Variants in CEP68 observed in about 807,000 individuals in gnomAD.
CEP68 encodes centrosomal protein 68.
In CEP68, 26 loss-of-function variants were observed where a neutral mutation model predicts 55.3. The observed-to-expected ratio is 0.47, with a 90% CI of 0.34 to 0.65. The LOEUF is 0.65. Ranked by LOEUF, CEP68 falls within the 30% of genes least tolerant of loss-of-function variation. CEP68 has a pLI of 0.01. For missense variants in CEP68, 957 were observed against 946.7 expected, an observed-to-expected ratio of 1.01 and a Z score of -0.14; for synonymous variants, 402 against 383.2, an observed-to-expected ratio of 1.05 and a Z score of -0.57.
At chr2:65,062,851 T>C (rs1385755346) in intron 1 of CEP68, among the ~76,000 whole-genome samples, 1 of 151,622 alleles carries the variant, frequency 6.6e-6, no homozygotes, top group Non-Finnish European at 1.5e-5. Context: ...AAAAAAATAG[T>C]CCTAGGGGAG....
chr2:65,065,688 G>T (rs1676128814), intron 1 of CEP68, among the ~76,000 whole-genome samples: 1 of 152,196 alleles, frequency 6.6e-6, no homozygotes, highest in Non-Finnish European at 1.5e-5. Flanking sequence ...AGTAAGATGA[G>T]CCAGGCGTGG....
chr2:65,071,611 G>A lies in CEP68; in HGVS notation c.515G>A (p.Ser172Asn), dbSNP rs776755313. 2.0e-5 allele frequency: 32 copies of A among 1,614,050 alleles called. No individual in the cohort carries two copies. The highest frequency in any genetic ancestry group is 2.5e-5 in the Non-Finnish European group (30 of 1,180,034). The stretch of plus-strand genomic sequence containing the variant: ...CTGGACCTCAGCCAGCAGCCTCACA[G>A]CTCAGGTCTCTCTTGCCTGTCACAG... The part of the protein sequence containing the change: ...QALDLSQQPH[S>N]SGLSCLSQWK... Residue 172 changes from serine (S) to asparagine (N), a missense_variant, in exon 3 of 7, where the codon AGC becomes AAC. Physicochemically the swap from Ser to Asn is conservative, Grantham distance 46 (BLOSUM62 1). Coordinates refer to ENST00000377990, the MANE Select transcript of CEP68 (RefSeq NM_015147.3).
At chr2:65,073,118 T>C (rs752224588) in intron 3 of CEP68, 138 bp downstream of exon 3, 11 of 946,490 alleles carry the variant, frequency 1.2e-5, no homozygotes, top group Admixed American at 2.0e-5. Context: ...CCTTATCTTA[T>C]TCAGTCCTCA....
intron 1 of CEP68, among the ~76,000 whole-genome samples, chr2:65,068,774 G>A (rs1333602225): frequency 4.6e-5 from 7 of 152,176 alleles, no homozygotes; most frequent in Non-Finnish European, 8.8e-5. Flanking sequence ...GCTGCAGTGA[G>A]CTGAGATCAT....
Position 65,084,444 on chromosome 2 carries a change from C to T in CEP68, c.*810C>T, listed in dbSNP as rs1193840221. ...AACGGATAGGATGACACAGTAAGTA[C>T]AGAAACTGAAGCTGTCAATAGTGAA... On this transcript the variant is annotated 3_prime_UTR_variant, in exon 7 of 7. Transcript: ENST00000377990. 6.6e-6 allele frequency: 1 copy of T among 151,210 alleles called. No homozygotes were observed. Among genetic ancestry groups the T allele is most frequent in the Non-Finnish European group, 1.5e-5 (1 of 67,958 alleles). 9.4% of individuals were successfully genotyped at this position (151,210 alleles called of 1,614,324 possible). A position where few individuals can be genotyped will look rare whatever the true frequency, so the allele number is the denominator to read the frequency against.
chr2:65,086,916 C>T lies in CEP68; in HGVS notation c.*3282C>T, dbSNP rs557598369. The T allele has an allele frequency of 8.5e-5, 13 of 152,592 alleles. No individual in the cohort carries two copies. The highest frequency in any genetic ancestry group is 5.9e-5 in the Non-Finnish European group (4 of 67,996). The allele number at this position is 152,592 out of a possible 1,614,324, so 9.5% of individuals were successfully genotyped here. A position where few individuals can be genotyped will look rare whatever the true frequency, so the allele number is the denominator to read the frequency against. On this transcript the variant is annotated 3_prime_UTR_variant, in exon 7 of 7. Transcript: ENST00000377990. ...TAGATGGAAAATTGAATATTCTGTC[C>T]ATTTCATTTTACAATTATCTTACCA...
At chr2:65,073,122 G>C in intron 3 of CEP68, 142 bp downstream of exon 3, 1 of 927,736 alleles carries the variant, frequency 1.1e-6, no homozygotes, top group Non-Finnish European at 1.7e-6. Flanking sequence ...ATCTTATTCA[G>C]TCCTCACAAC....
rs1444881300 is a variant in CEP68, at chr2:65,084,346, A to C, written c.*712A>C. ...CTATGGAGCTAATTATCAAGCTTAA[A>C]GGGTAACTTTGGGAGGACTCCTCCC... On this transcript the variant is annotated 3_prime_UTR_variant, in exon 7 of 7. Transcript: ENST00000377990. The C allele has an allele frequency of 6.6e-6, 1 of 152,168 alleles. No homozygotes were observed. Among genetic ancestry groups the C allele is most frequent in the African/African-American group, 2.4e-5 (1 of 41,442 alleles). The allele number at this position is 152,168 out of a possible 1,614,324, so 9.4% of individuals were successfully genotyped here. A position where few individuals can be genotyped will look rare whatever the true frequency, so the allele number is the denominator to read the frequency against.
At chr2:65,057,824 A>AT (rs111542979) in intron 1 of CEP68, among the ~76,000 whole-genome samples, 13 of 149,824 alleles carry the variant, frequency 8.7e-5, no homozygotes, top group South Asian at 2.1e-4. Context: ...ACTCTGATTA[A>AT]TTTTTTTTTT....
chr2:65,075,152 C>G (rs545316669), intron 4 of CEP68: 35 of 152,216 alleles, frequency 2.3e-4, no homozygotes, highest in African/African-American at 7.7e-4. Context: ...CACCTTGGCT[C>G]ACACTATTAA....
Position 65,071,796 on chromosome 2 carries a change from C to A in CEP68, c.700C>A (p.Gln234Lys). 6.2e-7 allele frequency: 1 copy of A among 1,609,458 alleles called. No homozygotes were observed. Among genetic ancestry groups the A allele is most frequent in the Non-Finnish European group, 8.5e-7 (1 of 1,176,932 alleles). The change falls in exon 3 of 7, where the codon CAG (glutamine) becomes AAG (lysine). Residue 234 changes from glutamine (Q) to lysine (K), a missense_variant. By Grantham distance (53) the Gln-to-Lys change is moderately conservative. Transcript: ENST00000377990. ...VSSSLEPVVP[Q>K]EPSSVVGLGP... ...CTCCTCCCTGGAGCCGGTCGTCCCCCAGGAACCTTCCTCTGTGGTGGGGCT... is the reference window on the plus strand; with the variant it reads ...CTCCTCCCTGGAGCCGGTCGTCCCCAAGGAACCTTCCTCTGTGGTGGGGCT...
At chr2:65,081,361 G>C (rs942814940) in intron 5 of CEP68, among the ~76,000 whole-genome samples, 3 of 152,108 alleles carry the variant, frequency 2.0e-5, no homozygotes, top group African/African-American at 7.2e-5. Flanking sequence ...GCACTGATGT[G>C]GCTTCCCTAG....
chr2:65,083,583 T>C (rs953891591), intron 6 of CEP68, 56 bp from the exon 7 acceptor site: 3 of 152,288 alleles, frequency 2.0e-5, no homozygotes, highest in African/African-American at 7.2e-5. Context: ...ACTGCTGTTG[T>C]CGTTTCTTCC....
chr2:65,078,337 C>T (rs1190946680), intron 5 of CEP68, among the ~76,000 whole-genome samples: 2 of 152,164 alleles, frequency 1.3e-5, no homozygotes, highest in African/African-American at 4.8e-5. Context: ...TTTGGTTCCC[C>T]ACCTTACCTA....
At chr2:65,059,465 A>G (rs1374077881) in intron 1 of CEP68, among the ~76,000 whole-genome samples, 1 of 152,212 alleles carries the variant, frequency 6.6e-6, no homozygotes, top group Non-Finnish European at 1.5e-5. Flanking sequence ...CATAGCCATC[A>G]TGAATCTCAA....
At chr2:65,064,501 G>A (rs765428243) in intron 1 of CEP68, among the ~76,000 whole-genome samples, 5 of 152,064 alleles carry the variant, frequency 3.3e-5, no homozygotes, top group South Asian at 2.1e-4. Flanking sequence ...TTGGGAGGCC[G>A]AGGCAGGCAG....
At chr2:65,064,362 T>A (rs1676054168) in intron 1 of CEP68, among the ~76,000 whole-genome samples, 1 of 152,226 alleles carries the variant, frequency 6.6e-6, no homozygotes, top group South Asian at 2.1e-4. Context: ...ATCATCATCT[T>A]ATTCCAGCAC....
At chr2:65,066,745 A>AAAAAAAAAAAAAT (rs70943620) in intron 1 of CEP68, among the ~76,000 whole-genome samples, 1 of 58,408 alleles carries the variant, frequency 1.7e-5, no homozygotes. Context: ...AAAAAAAAAA[A>AAAAAAAAAAAAAT]ATATATATAT....
chr2:65,083,536 G>A (rs1668932891), intron 6 of CEP68, 103 bp from the exon 7 acceptor site: 1 of 152,262 alleles, frequency 6.6e-6, no homozygotes, highest in Non-Finnish European at 1.5e-5. Context: ...CAGAGCAACT[G>A]TGAGACGTCA....
Sources: gnomAD v4.1 joint callset for allele counts (sites outside exome capture counted in the v4.1 genomes callset) on GRCh38, gnomAD v4.1.1 for gene constraint, MANE v1.5 for transcripts, NCBI Gene and HGNC (gene_info 2026-07-23, HGNC 2026-07-21) for gene names.